The following HNRNPUL1 variants were observed in gnomAD, a reference collection of about 807,000 sequenced individuals.
HNRNPUL1 encodes heterogeneous nuclear ribonucleoprotein U like 1, also known as heterogeneous nuclear ribonucleoprotein U-like protein 1.
A neutral mutation model predicts 108.5 loss-of-function variants in HNRNPUL1; 14 were observed. That is an observed-to-expected ratio of 0.13 (90% CI 0.09 to 0.20). The LOEUF is 0.20. HNRNPUL1 is among the 10% of genes least tolerant of loss of function. The pLI, the probability that HNRNPUL1 is intolerant of heterozygous loss-of-function variation, is 1.00. For synonymous variants in HNRNPUL1, 422 were observed against 445.2 expected, an observed-to-expected ratio of 0.95 and a Z score of 0.66; for missense variants, 804 against 1,168.3, an observed-to-expected ratio of 0.69 and a Z score of 4.55.
At position 41,292,160 on chromosome 19, in the gene HNRNPUL1, C is replaced by A; in HGVS notation, c.1000-85C>A. The A allele has an allele frequency of 7.3e-7, 1 of 1,375,946 alleles. No individual in the cohort carries two copies. The highest frequency in any genetic ancestry group is 1.0e-6 in the Non-Finnish European group (1 of 979,080). 85.2% of individuals were successfully genotyped at this position (1,375,946 alleles called of 1,614,324 possible). A position where few individuals can be genotyped will look rare whatever the true frequency, so the allele number is the denominator to read the frequency against. On this transcript the variant is annotated intron_variant, in intron 7 of 14. Coordinates refer to ENST00000392006, the MANE Select transcript of HNRNPUL1 (RefSeq NM_007040.6). The surrounding 1 kb of genome is among the most constrained non-coding windows in gnomAD (Gnocchi z 4.1). The stretch of plus-strand genomic sequence containing the variant: ...AATCTGGAAAGCTGTCCACATTCTA[C>A]TCCCTGCATCTACTGTCCTCACATT...
intron 7 of HNRNPUL1, among the ~76,000 whole-genome samples, chr19:41,288,753 C>T (rs1382920029): frequency 6.6e-5 from 10 of 151,930 alleles, no homozygotes; most frequent in Non-Finnish European, 2.9e-5. Flanking sequence ...TAATTTAGCC[C>T]GTCTTCCTGT....
intron 14 of HNRNPUL1, 100 bp downstream of exon 14, chr19:41,305,967 C>T (rs1683980163): frequency 1.2e-6 from 1 of 826,264 alleles, no homozygotes; most frequent in Admixed American, 2.8e-5. Flanking sequence ...CCTAAAAAGA[C>T]AGCCTGCTGG....
intron 4 of HNRNPUL1, among the ~76,000 whole-genome samples, chr19:41,274,943 T>G (rs2035461410): frequency 6.6e-6 from 1 of 152,140 alleles, no homozygotes; most frequent in Admixed American, 6.5e-5. Flanking sequence ...AGCGTCTAGA[T>G]GAAATGCAAA....
At chr19:41,304,400 C>G in intron 13 of HNRNPUL1, 139 bp downstream of exon 13, 1 of 1,428,056 alleles carries the variant, frequency 7.0e-7, no homozygotes, top group African/African-American at 1.4e-5. Flanking sequence ...GCCTGCCCTT[C>G]TTTCTCCCTG....
At position 41,294,533 on chromosome 19, in the gene HNRNPUL1, AC is replaced by A; in HGVS notation, c.1390-21del. 6.2e-7 allele frequency: 1 copy of A among 1,613,576 alleles called. No individual in the cohort carries two copies. Among genetic ancestry groups the A allele is most frequent in the African/African-American group, 1.3e-5 (1 of 74,962 alleles). ...TGCTGCCCTGCAACTAAAATCACTC[AC>A]CCCTCACCAATTCCTGCCCGCAGGT... is the stretch of plus-strand genomic sequence containing the variant. On this transcript the variant is annotated intron_variant, in intron 9 of 14. Coordinates refer to ENST00000392006, the MANE Select transcript of HNRNPUL1 (RefSeq NM_007040.6). The surrounding 1 kb of genome is among the most constrained non-coding windows in gnomAD (Gnocchi z 4.3).
At chr19:41,304,302 T>C (rs369920204) in intron 13 of HNRNPUL1, 41 bp downstream of exon 13, 11 of 1,546,464 alleles carry the variant, frequency 7.1e-6, no homozygotes, top group Non-Finnish European at 9.6e-6. Context: ...TGATCGCACG[T>C]GTGCTTTTGA....
intron 10 of HNRNPUL1, among the ~76,000 whole-genome samples, chr19:41,300,252 A>G (rs913131710): frequency 1.3e-5 from 2 of 151,838 alleles, no homozygotes; most frequent in African/African-American, 4.8e-5. Context: ...TGGCCAAGGT[A>G]TGTTAGTAGC....
chr19:41,305,510 T>C (rs1314420517), intron 13 of HNRNPUL1, 166 bp from the exon 14 acceptor site: 17 of 810,348 alleles, frequency 2.1e-5, no homozygotes, highest in Non-Finnish European at 3.4e-5. Context: ...TACCATGGCA[T>C]GGAGCTGGCT....
chr19:41,263,869 TC>T (rs1355132456), upstream of HNRNPUL1, among the ~76,000 whole-genome samples: 2 of 152,192 alleles, frequency 1.3e-5, no homozygotes, highest in Non-Finnish European at 2.9e-5. Context: ...TTCATCTCTT[TC>T]CGGTTTCTTA....
intron 7 of HNRNPUL1, among the ~76,000 whole-genome samples, chr19:41,281,497 G>A (rs2035897070): frequency 6.6e-6 from 1 of 152,020 alleles, no homozygotes; most frequent in African/African-American, 2.4e-5. Flanking sequence ...ACACCCTGAA[G>A]AGGTTTGGGG....
chr19:41,302,897 C>T lies in HNRNPUL1; in HGVS notation c.1920C>T (p.Gly640=), dbSNP rs375853564. 35 of 1,540,644 alleles carry T rather than the reference C, an allele frequency of 2.3e-5. No homozygotes were observed. The highest frequency in any genetic ancestry group is 1.8e-4 in the Middle Eastern group (1 of 5,688). Residue 640 remains glycine, a synonymous_variant, in exon 12 of 15, where the codon GGC becomes GGT. Transcript: ENST00000392006. ...GAGGACCCCCTGGAGGCAACCGTGG[C>T]GGCTTCCAGAACCGAGGGGGAGGCA... ...ENRGPPGGNR[G]GFQNRGGGSG...
intron 7 of HNRNPUL1, among the ~76,000 whole-genome samples, chr19:41,289,329 A>T (rs1209787019): frequency 6.6e-6 from 1 of 152,260 alleles, no homozygotes; most frequent in Non-Finnish European, 1.5e-5. Flanking sequence ...GTCAAATATC[A>T]AGTCCTCAAT....
intron 10 of HNRNPUL1, among the ~76,000 whole-genome samples, chr19:41,298,217 G>A (rs1292222225): frequency 6.6e-6 from 1 of 152,078 alleles, no homozygotes; most frequent in East Asian, 1.9e-4. Context: ...CCCTCAGACT[G>A]TTATACACCA....
Position 41,294,490 on chromosome 19 carries a change from C to G in HNRNPUL1, c.1389+30C>G. ...GGCCAGCCACTGGACTCTCCTTACT[C>G]ACCTCCAACCTACTGAGTGCTGCCC... On this transcript the variant is annotated intron_variant, in intron 9 of 14. Coordinates refer to ENST00000392006, the MANE Select transcript of HNRNPUL1 (RefSeq NM_007040.6). This position sits in a 1 kb window ranked among gnomAD's most constrained non-coding sequence, Gnocchi z 4.3. 6.2e-7 allele frequency: 1 copy of G among 1,614,040 alleles called. No individual in the cohort carries two copies. The highest frequency in any genetic ancestry group is 8.5e-7 in the Non-Finnish European group (1 of 1,179,954).
At position 41,292,163 on chromosome 19, in the gene HNRNPUL1, C is replaced by A; in HGVS notation, c.1000-82C>A. On this transcript the variant is annotated intron_variant, in intron 7 of 14. Transcript: ENST00000392006. The surrounding 1 kb of genome is among the most constrained non-coding windows in gnomAD (Gnocchi z 4.1). ...CTGGAAAGCTGTCCACATTCTACTC[C>A]CTGCATCTACTGTCCTCACATTTGA... 7.1e-7 allele frequency: 1 copy of A among 1,406,896 alleles called. No homozygotes were observed. 87.2% of individuals were successfully genotyped at this position (1,406,896 alleles called of 1,614,324 possible).
At position 41,264,605 on chromosome 19, in the gene HNRNPUL1, G is replaced by A; in HGVS notation, c.102G>A (p.Gln34=). 1 of 1,579,304 alleles carries A rather than the reference G, an allele frequency of 6.3e-7. No individual in the cohort carries two copies. Among genetic ancestry groups the A allele is most frequent in the South Asian group, 1.1e-5 (1 of 88,406 alleles). ...GLKAELAERL[Q]AALEAEEPDD... ...AGGCCGAGCTTGCTGAGCGGCTGCA[G>A]GCGGCGTTGGAGGCCGAGGAGCCTG... Residue 34 remains glutamine, a synonymous_variant, in exon 1 of 15, where the codon CAG becomes CAA. Transcript: ENST00000392006.
intron 10 of HNRNPUL1, among the ~76,000 whole-genome samples, chr19:41,296,764 A>T (rs1013044440): frequency 5.3e-5 from 8 of 152,230 alleles, no homozygotes; most frequent in African/African-American, 1.9e-4. Context: ...GCTAGGTGGA[A>T]TTTCCAAAGG....
At chr19:41,286,184 C>CTTT (rs140121122) in intron 7 of HNRNPUL1, among the ~76,000 whole-genome samples, 2 of 143,426 alleles carry the variant, frequency 1.4e-5, no homozygotes, top group Non-Finnish European at 3.1e-5. Context: ...CTAACTTTTC[C>CTTT]TTTTTTTTTT....
chr19:41,289,934 A>G (rs2036485511), intron 7 of HNRNPUL1, among the ~76,000 whole-genome samples: 1 of 151,644 alleles, frequency 6.6e-6, no homozygotes, highest in African/African-American at 2.4e-5. Flanking sequence ...GATGGTCTTG[A>G]TCTCTTGACC....
Sources: allele counts gnomAD v4.1 joint callset (sites outside exome capture counted in the v4.1 genomes callset), GRCh38; gene constraint gnomAD v4.1.1; non-coding constraint Gnocchi (gnomAD v3.1); transcripts MANE v1.5; gene names NCBI Gene and HGNC (gene_info 2026-07-23, HGNC 2026-07-21).